Variants in STX8 observed in about 807,000 individuals in gnomAD.
STX8 encodes syntaxin-8.
In STX8, 23 loss-of-function variants were observed where a neutral mutation model predicts 37.5. The observed-to-expected ratio is 0.61, with a 90% CI of 0.44 to 0.87. STX8 has a LOEUF of 0.87. STX8 is among the 40% of genes least tolerant of loss of function. The probability of loss-of-function intolerance (pLI) is 0.00; values close to 1 mark genes in which losing one functional copy is unlikely to be tolerated. For synonymous variants in STX8, 115 were observed against 99.1 expected (o/e 1.16, Z -0.95); for missense variants, 313 against 284.7 (o/e 1.10, Z -0.71).
At chr17:9,300,642 G>A (rs1908737690) in intron 7 of STX8, among the ~76,000 whole-genome samples, 1 of 151,950 alleles carries the variant, frequency 6.6e-6, no homozygotes, top group Admixed American at 6.6e-5. Context: ...TTTATATCTG[G>A]CAAAGGACTT....
chr17:9,454,269 G>A (rs1905124083), intron 6 of STX8, among the ~76,000 whole-genome samples: 3 of 152,294 alleles, frequency 2.0e-5, no homozygotes, highest in African/African-American at 7.2e-5. Flanking sequence ...CGTAGGCCGG[G>A]AGCACGTATG....
chr17:9,439,241 C>T (rs1904553910), intron 6 of STX8, among the ~76,000 whole-genome samples: 1 of 152,104 alleles, frequency 6.6e-6, no homozygotes, highest in Non-Finnish European at 1.5e-5. Flanking sequence ...TATTCCAGTT[C>T]ATTAATGCAG....
chr17:9,399,979 T>C (rs1211540450), intron 6 of STX8, among the ~76,000 whole-genome samples: 1 of 151,970 alleles, frequency 6.6e-6, no homozygotes, highest in Non-Finnish European at 1.5e-5. Context: ...AAAATGAACA[T>C]GGTAGCTTAT....
At chr17:9,361,024 C>T (rs1186019284) in intron 7 of STX8, among the ~76,000 whole-genome samples, 1 of 152,076 alleles carries the variant, frequency 6.6e-6, no homozygotes, top group Non-Finnish European at 1.5e-5. Flanking sequence ...CAGAAAAAGT[C>T]AACAGTGATT....
intron 6 of STX8, among the ~76,000 whole-genome samples, chr17:9,383,707 A>C (rs1022723723): frequency 6.6e-6 from 1 of 152,218 alleles, no homozygotes; most frequent in Non-Finnish European, 1.5e-5. Context: ...ATGATTGTAC[A>C]CCCAGAAAAC....
At chr17:9,330,429 C>A (rs1238313508) in intron 7 of STX8, among the ~76,000 whole-genome samples, 2 of 152,034 alleles carry the variant, frequency 1.3e-5, no homozygotes, top group African/African-American at 2.4e-5. Context: ...CACTCCCACC[C>A]CCCAACCCGG....
intron 6 of STX8, among the ~76,000 whole-genome samples, chr17:9,464,131 T>G (rs565467554): frequency 3.9e-5 from 6 of 152,284 alleles, no homozygotes; most frequent in African/African-American, 1.4e-4. Context: ...TATTCTTCTT[T>G]GAGACAATTA....
At chr17:9,252,070 C>T (rs749652325) in intron 7 of STX8, among the ~76,000 whole-genome samples, 65 of 151,792 alleles carry the variant, frequency 4.3e-4, no homozygotes, top group South Asian at 1.0e-3. Context: ...TTTGGGAGGC[C>T]GAGGCGGGCA....
intron 7 of STX8, among the ~76,000 whole-genome samples, chr17:9,375,063 C>CAAAAAAAAA (rs58594029): frequency 1.5e-5 from 1 of 65,474 alleles, no homozygotes. Context: ...GACTCTGTCT[C>CAAAAAAAAA]AAAAAAAAAA....
intron 4 of STX8, among the ~76,000 whole-genome samples, chr17:9,517,061 T>C (rs1905178270): frequency 6.6e-6 from 1 of 152,194 alleles, no homozygotes; most frequent in Non-Finnish European, 1.5e-5. Context: ...TTGCAAATTG[T>C]GAATTAGATT....
intron 7 of STX8, among the ~76,000 whole-genome samples, chr17:9,281,153 G>A (rs1368337557): frequency 1.3e-5 from 2 of 152,154 alleles, no homozygotes; most frequent in Non-Finnish European, 2.9e-5. Flanking sequence ...ACTAGAGGGG[G>A]CAGAACTGGA....
chr17:9,453,877 G>A (rs773407898), intron 6 of STX8, among the ~76,000 whole-genome samples: 12 of 152,064 alleles, frequency 7.9e-5, no homozygotes, highest in Non-Finnish European at 1.6e-4. Flanking sequence ...CTCTCCTAAG[G>A]GGACTTATGG....
At chr17:9,364,441 T>C (rs1911160823) in intron 7 of STX8, among the ~76,000 whole-genome samples, 1 of 152,162 alleles carries the variant, frequency 6.6e-6, no homozygotes, top group African/African-American at 2.4e-5. Flanking sequence ...TTAAAAATAA[T>C]AATAAGAACA....
chr17:9,303,260 C>T (rs979788914), intron 7 of STX8, among the ~76,000 whole-genome samples: 2 of 152,096 alleles, frequency 1.3e-5, no homozygotes, highest in East Asian at 1.9e-4. Flanking sequence ...CACTGCACTC[C>T]GGCCTGGCGA....
rs184005549 is a variant in STX8 at position 9,568,702 on chromosome 17, G to A, written c.18-232C>T. ...TTTTTAGTAGAGATGAGGTTTCACCGTGTTAGCCAAGATGGTCTCGATCTC... is the reference window on the plus strand; with the variant it reads ...TTTTTAGTAGAGATGAGGTTTCACCATGTTAGCCAAGATGGTCTCGATCTC... On this transcript the variant is annotated intron_variant, in intron 1 of 7. Transcript: ENST00000306357. 2.7e-4 allele frequency among the ~76,000 whole-genome samples: 41 copies of A among 152,182 alleles called. No homozygotes were observed. The East Asian group carries it at 4.3e-3, about 16-fold the overall frequency.
chr17:9,254,186 C>T (rs1180037398), intron 7 of STX8, among the ~76,000 whole-genome samples: 2 of 152,176 alleles, frequency 1.3e-5, no homozygotes, highest in African/African-American at 2.4e-5. Flanking sequence ...TGTGTTTGAG[C>T]CATCCTGGCT....
rs532537400 is a variant in STX8, at chr17:9,375,651, T to C, written c.643+2901A>G. On this transcript the variant is annotated intron_variant, in intron 7 of 7. Transcript: ENST00000306357. Reference sequence around the variant, plus strand: ...ATGTACCAAAGATGGTTTTAAGTGATATATATATGTTAGGTTGGTGCCAAA... The same window carrying C: ...ATGTACCAAAGATGGTTTTAAGTGACATATATATGTTAGGTTGGTGCCAAA... Among the ~76,000 whole-genome samples, 3 of 152,342 alleles carry C rather than the reference T, an allele frequency of 2.0e-5. No individual in the cohort carries two copies. The East Asian group carries it at 5.8e-4, about 29-fold the overall frequency.
intron 7 of STX8, among the ~76,000 whole-genome samples, chr17:9,340,643 C>T (rs1467435191): frequency 7.6e-6 from 1 of 131,642 alleles, no homozygotes; most frequent in East Asian, 2.3e-4. Context: ...ATCAATGTTG[C>T]ACTTGATTTT....
At chr17:9,330,058 G>A (rs1239823762) in intron 7 of STX8, among the ~76,000 whole-genome samples, 1 of 152,108 alleles carries the variant, frequency 6.6e-6, no homozygotes, top group Admixed American at 6.6e-5. Context: ...ACCCTGGGAG[G>A]TCCCGCGGCT....
Sources: allele counts gnomAD v4.1 joint callset (sites outside exome capture counted in the v4.1 genomes callset), GRCh38; gene constraint gnomAD v4.1.1; transcripts MANE v1.5; gene names NCBI Gene and HGNC (gene_info 2026-07-23, HGNC 2026-07-21).